Variants in NUTM2B observed in about 807,000 individuals in gnomAD.
NUTM2B encodes the protein NUT family member 2B.
A neutral mutation model predicts 42.4 loss-of-function variants in NUTM2B; 2 were observed. The observed-to-expected ratio is 0.05, with a 90% CI of 0.02 to 0.15. The LOEUF is 0.15. Among genes scored for constraint, NUTM2B ranks in the 10% least tolerant of loss-of-function variants. The pLI is 1.00. For synonymous variants in NUTM2B, 18 were observed against 402.4 expected (o/e 0.04, Z 11.43); for missense variants, 58 against 952.6 (o/e 0.06, Z 12.36).
At chr10:79,708,560 AG>A (rs1840431235) in intron 2 of NUTM2B, 138 bp from the exon 3 acceptor site, 1 of 1,245,600 alleles carries the variant, frequency 8.0e-7, no homozygotes, top group African/African-American at 1.5e-5. Flanking sequence ...CTGGGGCCTG[AG>A]GAGCCCACAT....
At chr10:79,696,069 A>C in the NUTM2B span, among the ~76,000 whole-genome samples, 1 of 147,512 alleles carries the variant, frequency 6.8e-6, no homozygotes, top group African/African-American at 2.5e-5. Context: ...TACACATAGA[A>C]TCCCCAGAAT....
In NUTM2B at chr10:79,707,207, G is replaced by A. The variant is rs949624303; in HGVS notation, c.1082+466G>A. On this transcript the variant is annotated intron_variant, in intron 2 of 6. Transcript: ENST00000429828. Reference sequence around the variant, plus strand: ...TCCGCTGAGGTCCAGTTAGCACAGCGGTGGTGGAGCCTGCATAGGGGGATG... The same window carrying A: ...TCCGCTGAGGTCCAGTTAGCACAGCAGTGGTGGAGCCTGCATAGGGGGATG... Among the ~76,000 whole-genome samples, 16 of 133,108 alleles carry A rather than the reference G, an allele frequency of 1.2e-4. 2 individuals carry two copies. Among genetic ancestry groups the A allele is most frequent in the Admixed American group, 3.9e-4 (5 of 12,764 alleles). The allele number at this position is 133,108 out of a possible 152,430, so 87.3% of individuals were successfully genotyped here.
At chr10:79,710,936 GGTTT>G (rs1394099485) in intron 5 of NUTM2B, among the ~76,000 whole-genome samples, 172 bp downstream of exon 5, 2 of 134,184 alleles carry the variant, frequency 1.5e-5, no homozygotes, top group Non-Finnish European at 3.2e-5. Context: ...TTGTGTCTGT[GGTTT>G]GTTACTGTGT....
At chr10:79,701,650 C>A (rs1351265487), upstream of NUTM2B, among the ~76,000 whole-genome samples, 1 of 150,512 alleles carries the variant, frequency 6.6e-6, no homozygotes, top group Non-Finnish European at 1.5e-5. Context: ...GTCCTCTGAA[C>A]AGGGGATCCA....
chr10:79,693,052 C>A, the NUTM2B span, among the ~76,000 whole-genome samples: 1 of 152,174 alleles, frequency 6.6e-6, no homozygotes, highest in African/African-American at 2.4e-5. Flanking sequence ...GCCCCCTCCA[C>A]CTCTTTGTGC....
At chr10:79,695,425 A>G in the NUTM2B span, among the ~76,000 whole-genome samples, 389 of 152,294 alleles carry the variant, frequency 2.6e-3, no homozygotes, top group Non-Finnish European at 3.2e-3. Context: ...CCAAGACTCC[A>G]CTGAGATAAA....
At chr10:79,692,613 G>T in the NUTM2B span, among the ~76,000 whole-genome samples, 1 of 152,178 alleles carries the variant, frequency 6.6e-6, no homozygotes, top group Admixed American at 6.5e-5. Context: ...AAAATAAGGG[G>T]TCCTCATGGG....
the NUTM2B span, among the ~76,000 whole-genome samples, chr10:79,696,770 G>A: frequency 1.3e-5 from 2 of 152,238 alleles, no homozygotes; most frequent in African/African-American, 2.4e-5. Context: ...ATAGGCACTA[G>A]CATGTGCAGC....
upstream of NUTM2B, among the ~76,000 whole-genome samples, chr10:79,700,489 C>A (rs1355154533): frequency 2.0e-5 from 3 of 152,278 alleles, no homozygotes; most frequent in African/African-American, 7.2e-5. Context: ...GCCTGGGCGT[C>A]CCGCAGGGCC....
the NUTM2B span, among the ~76,000 whole-genome samples, chr10:79,692,442 G>T: frequency 6.6e-6 from 1 of 152,144 alleles, no homozygotes; most frequent in East Asian, 1.9e-4. Flanking sequence ...GGGCTTCTGG[G>T]ATTTGAGCCA....
At chr10:79,700,940 G>T (rs2434100), upstream of NUTM2B, among the ~76,000 whole-genome samples, 1 of 152,122 alleles carries the variant, frequency 6.6e-6, no homozygotes, top group Non-Finnish European at 1.5e-5. Context: ...CTCCATGACC[G>T]TGCCTCTGAG....
At chr10:79,696,043 T>G in the NUTM2B span, among the ~76,000 whole-genome samples, 1 of 146,200 alleles carries the variant, frequency 6.8e-6, no homozygotes, top group Non-Finnish European at 1.5e-5. Flanking sequence ...TCCCTGGTCA[T>G]TCTGCATCAC....
the NUTM2B span, among the ~76,000 whole-genome samples, chr10:79,695,232 G>A: frequency 6.6e-6 from 1 of 152,124 alleles, no homozygotes; most frequent in African/African-American, 2.4e-5. Flanking sequence ...AGGCCCTTGT[G>A]CCTGAAGACT....
chr10:79,700,688 G>T (rs3895236), upstream of NUTM2B, among the ~76,000 whole-genome samples: 177 of 148,304 alleles, frequency 1.2e-3, no homozygotes, highest in African/African-American at 3.0e-3. Flanking sequence ...GCGAAGGCCG[G>T]TGGGTCACCG....
chr10:79,711,806 G>A (rs1367775488), exon 7 of NUTM2B: 1 of 1,601,810 alleles, frequency 6.2e-7, no homozygotes, highest in Non-Finnish European at 8.5e-7. Context: ...TTTGCAGCTG[G>A]CCAAGGAGCA....
chr10:79,709,024 G>T (rs1195123589), intron 3 of NUTM2B, among the ~76,000 whole-genome samples, 197 bp downstream of exon 3: 1 of 122,158 alleles, frequency 8.2e-6, no homozygotes, highest in East Asian at 2.9e-4. Flanking sequence ...TGGCCTATTG[G>T]GAAGCACCCC....
chr10:79,701,520 A>C (rs980888106), upstream of NUTM2B, among the ~76,000 whole-genome samples: 46 of 152,072 alleles, frequency 3.0e-4, no homozygotes, highest in Middle Eastern at 6.8e-3. Context: ...ATCTGTCTCC[A>C]CGTGATAACA....
the NUTM2B span, among the ~76,000 whole-genome samples, chr10:79,697,452 A>C: frequency 6.6e-6 from 1 of 152,056 alleles, no homozygotes; most frequent in African/African-American, 2.4e-5. Flanking sequence ...CTTAAGAAAT[A>C]GACTGTGACT....
chr10:79,695,452 C>T, the NUTM2B span, among the ~76,000 whole-genome samples: 1 of 152,182 alleles, frequency 6.6e-6, no homozygotes, highest in East Asian at 1.9e-4. Flanking sequence ...AACACAGAAA[C>T]CAACACATAT....
Sources: allele counts gnomAD v4.1 joint callset (sites outside exome capture counted in the v4.1 genomes callset), GRCh38; gene constraint gnomAD v4.1.1; transcripts MANE v1.5; gene names NCBI Gene and HGNC (gene_info 2026-07-23, HGNC 2026-07-21).